MAPK10: variants seen among roughly 807,000 people sequenced by gnomAD.
The protein encoded by MAPK10 is JNK3 alpha protein kinase.
MAPK10 carries 25 observed loss-of-function variants against 59.3 expected under a neutral mutation model. The observed-to-expected ratio is 0.42, with a 90% CI of 0.31 to 0.59. The LOEUF is 0.59. Among genes scored for constraint, MAPK10 ranks in the 20% least tolerant of loss-of-function variants. The pLI, the probability that MAPK10 is intolerant of heterozygous loss-of-function variation, is 0.15. For missense variants in MAPK10, 351 were observed against 568.9 expected, an observed-to-expected ratio of 0.62 and a Z score of 3.90; for synonymous variants, 190 against 200.5, an observed-to-expected ratio of 0.95 and a Z score of 0.44.
chr4:86,535,157 T>C (rs1214138407), intron 1 of MAPK10, among the ~76,000 whole-genome samples: 2 of 152,138 alleles, frequency 1.3e-5, no homozygotes, highest in African/African-American at 2.4e-5. Flanking sequence ...TTGAGTTTTG[T>C]TGGTAAGAGA....
chr4:86,518,968 G>A (rs1251983972), intron 1 of MAPK10, among the ~76,000 whole-genome samples: 1 of 151,982 alleles, frequency 6.6e-6, no homozygotes, highest in African/African-American at 2.4e-5. Flanking sequence ...TTCCACTGTG[G>A]TCTGAGAGTG....
At chr4:86,126,952 T>G (rs2060170157) in intron 4 of MAPK10, among the ~76,000 whole-genome samples, 1 of 152,020 alleles carries the variant, frequency 6.6e-6, no homozygotes, top group Non-Finnish European at 1.5e-5. Context: ...TAATTCTATT[T>G]CCATCACCAT....
chr4:86,032,804 A>C (rs1374721262), intron 11 of MAPK10, among the ~76,000 whole-genome samples: 1 of 152,176 alleles, frequency 6.6e-6, no homozygotes, highest in Admixed American at 6.5e-5. Context: ...GCTGTGGTGA[A>C]GTAACTTAGC....
At chr4:86,568,735 G>C (rs1180651051) in intron 1 of MAPK10, among the ~76,000 whole-genome samples, 1 of 152,044 alleles carries the variant, frequency 6.6e-6, no homozygotes, top group Non-Finnish European at 1.5e-5. Flanking sequence ...GATAATTAAA[G>C]AGCAATATGC....
At chr4:86,369,443 A>G (rs1738415280) in intron 1 of MAPK10, among the ~76,000 whole-genome samples, 1 of 152,212 alleles carries the variant, frequency 6.6e-6, no homozygotes, top group African/African-American at 2.4e-5. Context: ...AAGTAATAGT[A>G]ATACATGATG....
intron 2 of MAPK10, among the ~76,000 whole-genome samples, chr4:86,209,717 A>T (rs1216288243): frequency 1.3e-5 from 2 of 152,090 alleles, no homozygotes; most frequent in Admixed American, 1.3e-4. Context: ...TAATTTACAG[A>T]TATGATTCAT....
At chr4:86,047,503 A>G (rs1326412099) in intron 11 of MAPK10, among the ~76,000 whole-genome samples, 1 of 152,178 alleles carries the variant, frequency 6.6e-6, no homozygotes, top group African/African-American at 2.4e-5. Flanking sequence ...CAGGAGCCAG[A>G]CTAAGTAGAG....
At chr4:86,495,652 A>G (rs923282859) in intron 1 of MAPK10, among the ~76,000 whole-genome samples, 6 of 152,352 alleles carry the variant, frequency 3.9e-5, no homozygotes, top group Middle Eastern at 3.4e-3. Flanking sequence ...AAGATGAGAT[A>G]TGGTAAATTA....
At chr4:86,125,800 T>C (rs2059985693) in intron 4 of MAPK10, 1 of 152,120 alleles carries the variant, frequency 6.6e-6, no homozygotes, top group Non-Finnish European at 1.5e-5. Context: ...GTATATTATG[T>C]TAACTTTATT....
intron 2 of MAPK10, among the ~76,000 whole-genome samples, chr4:86,264,254 A>T (rs778079944): frequency 7.9e-5 from 12 of 152,206 alleles, no homozygotes; most frequent in Admixed American, 1.3e-4. Flanking sequence ...CTTTAACATT[A>T]AAGTTATTTT....
In MAPK10 at chr4:86,067,879, T is replaced by C. The variant is rs752807441; in HGVS notation, c.879A>G (p.Thr293=). ...GCCGATTCTCCACATAGTTTCTTAC[T>C]GTGGGTTGCAATTTCTTCATGAATT... ...CPEFMKKLQP[T]VRNYVENRPK... Residue 293 remains threonine (T), a synonymous_variant, in exon 10 of 14, where the codon ACA becomes ACG. Transcript: ENST00000641462. 3.7e-6 allele frequency: 6 copies of C among 1,614,042 alleles called. No individual in the cohort carries two copies. In the Admixed American group the frequency reaches 8.3e-5, roughly 22 times the overall value.
At chr4:86,532,034 T>A (rs559947693) in intron 1 of MAPK10, among the ~76,000 whole-genome samples, 18 of 148,406 alleles carry the variant, frequency 1.2e-4, no homozygotes, top group Admixed American at 7.4e-4. Context: ...TAAATTTTTT[T>A]AATTACATAT....
At chr4:86,592,062 T>C (rs1476117205) in intron 1 of MAPK10, among the ~76,000 whole-genome samples, 1 of 152,086 alleles carries the variant, frequency 6.6e-6, no homozygotes, top group Non-Finnish European at 1.5e-5. Context: ...TTTTCCTCCT[T>C]TGACTTACTA....
intron 3 of MAPK10, 21 bp downstream of exon 3, chr4:86,194,315 T>C (rs1010324038): frequency 7.5e-6 from 12 of 1,599,056 alleles, no homozygotes; most frequent in Non-Finnish European, 1.0e-5. Flanking sequence ...GTACCTTGTT[T>C]TACCTGTAAG....
At position 86,226,656 on chromosome 4, in the gene MAPK10, G is replaced by A. The variant is rs72662091; in HGVS notation, c.-6-32249C>T. Among the ~76,000 whole-genome samples, 494 of 152,290 alleles carry A rather than the reference G, an allele frequency of 3.2e-3. 2 individuals are homozygous for A. The highest frequency in any genetic ancestry group is 6.1e-3 in the Non-Finnish European group (417 of 68,026). On this transcript the variant is annotated intron_variant, in intron 2 of 13. Transcript: ENST00000641462. ...TTTACCCAACAATGCAAAATTCCAA[G>A]AGGAAGTCATCACCTTAATTTCTCC... is the stretch of plus-strand genomic sequence containing the variant.
chr4:86,156,694 G>A (rs2067876728), intron 4 of MAPK10, among the ~76,000 whole-genome samples: 1 of 152,034 alleles, frequency 6.6e-6, no homozygotes, highest in African/African-American at 2.4e-5. Flanking sequence ...ATAGATGTGA[G>A]TGAAAACAAT....
rs932005219 is a variant in MAPK10, at chr4:86,107,140, T to G, written c.366+83A>C. On this transcript the variant is annotated intron_variant, in intron 5 of 13. Transcript: ENST00000641462. ...CAGGAATTGCAAAGCAAAGAAAGCC[T>G]TTCTTACTCAAGTACAGACACATTT... The G allele has an allele frequency of 3.6e-6, 4 of 1,125,262 alleles. No homozygotes were observed. In the African/African-American group the frequency reaches 6.3e-5, roughly 18 times the overall value. The allele number at this position is 1,125,262 out of a possible 1,614,324, so 69.7% of individuals were successfully genotyped here. A position where few individuals can be genotyped will look rare whatever the true frequency, so the allele number is the denominator to read the frequency against.
chr4:86,423,533 T>A (rs938689974), intron 1 of MAPK10, among the ~76,000 whole-genome samples: 2 of 152,108 alleles, frequency 1.3e-5, no homozygotes, highest in Non-Finnish European at 2.9e-5. Context: ...TTAATGGCTA[T>A]GGCAGTTAGC....
At chr4:86,523,530 T>A (rs1486171073) in intron 1 of MAPK10, among the ~76,000 whole-genome samples, 1 of 152,248 alleles carries the variant, frequency 6.6e-6, no homozygotes, top group Non-Finnish European at 1.5e-5. Flanking sequence ...ATTTTCTTGC[T>A]TCATCACTTC....
Sources: allele counts gnomAD v4.1 joint callset (sites outside exome capture counted in the v4.1 genomes callset), GRCh38; gene constraint gnomAD v4.1.1; transcripts MANE v1.5; gene names NCBI Gene and HGNC (gene_info 2026-07-23, HGNC 2026-07-21).